Variants in SEC14L1 observed in about 807,000 individuals in gnomAD.
SEC14L1 encodes the protein SEC14-like protein 1.
SEC14L1 carries 48 observed loss-of-function variants against 85.3 expected under a neutral mutation model. The observed-to-expected ratio is 0.56, with a 90% confidence interval of 0.45 to 0.72. The LOEUF (loss-of-function observed/expected upper bound fraction) is 0.72, where lower values mean the gene tolerates loss of function less well. Among genes scored for constraint, SEC14L1 ranks in the 30% least tolerant of loss-of-function variants. The probability of loss-of-function intolerance (pLI) is 0.00; values close to 1 mark genes in which losing one functional copy is unlikely to be tolerated. For missense variants in SEC14L1, 682 were observed against 921.4 expected (o/e 0.74, Z 3.36); for synonymous variants, 391 against 355.5 (o/e 1.10, Z -1.12).
At position 77,191,162 on chromosome 17, in the gene SEC14L1, CTT is replaced by C; in HGVS notation, c.214-17_214-16del. ...GGTTGTTATTAATAAACCCATTTCT[CTT>C]TCTTTTTTTTTTGAAGATTGCAGGA... On this transcript the variant is annotated splice_polypyrimidine_tract_variant and intron_variant, in intron 4 of 16. Transcript: ENST00000436233. The C allele has an allele frequency of 6.2e-7, 1 of 1,605,674 alleles. No individual in the cohort carries two copies. The highest frequency in any genetic ancestry group is 8.5e-7 in the Non-Finnish European group (1 of 1,173,660).
At chr17:77,150,887 C>T (rs979041740) in intron 3 of SEC14L1, among the ~76,000 whole-genome samples, 2 of 152,198 alleles carry the variant, frequency 1.3e-5, no homozygotes, top group Non-Finnish European at 2.9e-5. Context: ...GTCCTGTGCA[C>T]GTCAGATTTT....
Position 77,197,572 on chromosome 17 carries a change from C to T in SEC14L1, c.819+1261C>T, listed in dbSNP as rs191489269. On this transcript the variant is annotated intron_variant, in intron 8 of 16. Transcript: ENST00000436233. ...TAATGAGTTGGCAAAAGCACCATTG[C>T]CAGTCACGTAGACACATGGTAGTTC... 2.0e-5 allele frequency among the ~76,000 whole-genome samples: 3 copies of T among 151,854 alleles called. No homozygotes were observed. In the East Asian group the frequency reaches 5.8e-4, roughly 29 times the overall value.
At chr17:77,113,941 T>A (rs1972108540) in intron 3 of SEC14L1, among the ~76,000 whole-genome samples, 1 of 152,160 alleles carries the variant, frequency 6.6e-6, no homozygotes, top group African/African-American at 2.4e-5. Context: ...GGTTAGTTTC[T>A]ATTATTCCCA....
chr17:77,127,035 G>A (rs1243181792), intron 3 of SEC14L1, among the ~76,000 whole-genome samples: 1 of 150,120 alleles, frequency 6.7e-6, no homozygotes, highest in African/African-American at 2.5e-5. Context: ...TAAAAAAAAG[G>A]GATACATGTG....
At position 77,213,234 on chromosome 17, in the gene SEC14L1, C is replaced by G; in HGVS notation, c.1864-80C>G. 8.2e-7 allele frequency: 1 copy of G among 1,226,332 alleles called. No individual in the cohort carries two copies. Among genetic ancestry groups the G allele is most frequent in the Non-Finnish European group, 1.1e-6 (1 of 880,186 alleles). The allele number at this position is 1,226,332 out of a possible 1,614,324, so 76.0% of individuals were successfully genotyped here. ...CTACATGAAATCCTAAAGACAGTCC[C>G]CTTGGCGCTTGTCAGGCCTGTGGTA... On this transcript the variant is annotated intron_variant, in intron 15 of 16. Transcript: ENST00000436233. This position sits in a 1 kb window ranked among gnomAD's most constrained non-coding sequence, Gnocchi z 7.1.
intron 7 of SEC14L1, among the ~76,000 whole-genome samples, chr17:77,195,529 C>G (rs1489129246): frequency 6.6e-6 from 1 of 151,884 alleles, no homozygotes; most frequent in Non-Finnish European, 1.5e-5. Flanking sequence ...TCTCTGTCGC[C>G]CAGGCTGCAG....
chr17:77,105,062 G>A (rs959763033), intron 3 of SEC14L1, among the ~76,000 whole-genome samples: 56 of 152,038 alleles, frequency 3.7e-4, no homozygotes, highest in Non-Finnish European at 8.8e-5. Context: ...GGTGAGACGC[G>A]GTTTCATTCT....
At chr17:77,164,962 A>G (rs568936006) in intron 3 of SEC14L1, among the ~76,000 whole-genome samples, 24 of 152,304 alleles carry the variant, frequency 1.6e-4, no homozygotes, top group African/African-American at 5.1e-4. Context: ...TTTCTCTTCC[A>G]AGTAGATCGT....
chr17:77,185,176 C>G, intron 3 of SEC14L1: 1 of 981,518 alleles, frequency 1.0e-6, no homozygotes, highest in Non-Finnish European at 1.2e-6. Flanking sequence ...AGTCCTCGTT[C>G]TCCTGAGGAT....
chr17:77,173,787 T>C (rs181860359), intron 3 of SEC14L1, among the ~76,000 whole-genome samples: 34 of 152,362 alleles, frequency 2.2e-4, no homozygotes, highest in Admixed American at 6.5e-4. Context: ...CCTAAGGGGC[T>C]GTCCCGGGAA....
intron 14 of SEC14L1, chr17:77,210,271 GAAGC>G (rs2143203509): frequency 6.6e-6 from 1 of 152,412 alleles, no homozygotes; most frequent in Admixed American, 6.5e-5. Flanking sequence ...TTTTGGTAGA[GAAGC>G]AAGGGCGTTC....
intron 3 of SEC14L1, among the ~76,000 whole-genome samples, chr17:77,118,616 C>A (rs563673354): frequency 3.1e-4 from 47 of 152,328 alleles, no homozygotes; most frequent in African/African-American, 9.9e-4. Context: ...TCTGGGAATG[C>A]GCTTAACGTA....
chr17:77,205,516 T>A (rs573395342), intron 11 of SEC14L1, among the ~76,000 whole-genome samples, 170 bp downstream of exon 11: 1 of 152,328 alleles, frequency 6.6e-6, no homozygotes, highest in Admixed American at 6.5e-5. Context: ...GTTAGTGTTT[T>A]TTGACCCCAG....
At chr17:77,123,414 C>CTTTTTCTTTTTT (rs1972353556) in intron 3 of SEC14L1, among the ~76,000 whole-genome samples, 1 of 80,514 alleles carries the variant, frequency 1.2e-5, no homozygotes, top group Admixed American at 1.5e-4. Context: ...CAGGCCCACT[C>CTTTTTCTTTTTT]TTTTTTTTTT....
At chr17:77,116,216 G>A (rs139031806) in intron 3 of SEC14L1, among the ~76,000 whole-genome samples, 6 of 152,194 alleles carry the variant, frequency 3.9e-5, no homozygotes, top group Admixed American at 1.3e-4. Context: ...CACCACACCC[G>A]GCTGACATAC....
rs62078343 is a variant in SEC14L1, at chr17:77,216,368, C to T, written c.*2345C>T. The T allele has an allele frequency of 3.0e-5, 36 of 1,213,358 alleles. No homozygotes were observed. The Admixed American group carries it at 3.4e-4, about 12-fold the overall frequency. The allele number at this position is 1,213,358 out of a possible 1,614,324, so 75.2% of individuals were successfully genotyped here. ...TAGTAGGTAGGGCTAGTAGGTAGGG[C>T]TAGTAGGTAGGGCTAGTAGGTAGGG... is the stretch of plus-strand genomic sequence containing the variant. On this transcript the variant is annotated 3_prime_UTR_variant, in exon 17 of 17. Coordinates refer to ENST00000436233, the MANE Select transcript of SEC14L1 (RefSeq NM_001143998.2).
At chr17:77,148,837 C>T (rs1043567978) in intron 3 of SEC14L1, among the ~76,000 whole-genome samples, 3 of 152,226 alleles carry the variant, frequency 2.0e-5, no homozygotes, top group Non-Finnish European at 4.4e-5. Flanking sequence ...CGTCCTCGCA[C>T]GTCTCAGCTC....
Position 77,201,977 on chromosome 17 carries a change from A to T in SEC14L1, c.1009+1304A>T, listed in dbSNP as rs148831845. Among the ~76,000 whole-genome samples the T allele has an allele frequency of 2.8e-3, 428 of 152,248 alleles. 2 individuals are homozygous for T. The highest frequency in any genetic ancestry group is 6.4e-3 in the South Asian group (31 of 4,812). The stretch of plus-strand genomic sequence containing the variant: ...GGTCTTCTGGTAACCACCGAAGACA[A>T]GTCTTGGTTCCTTTTCAGGAGCACA... On this transcript the variant is annotated intron_variant, in intron 9 of 16. Coordinates refer to ENST00000436233, the MANE Select transcript of SEC14L1 (RefSeq NM_001143998.2).
intron 3 of SEC14L1, among the ~76,000 whole-genome samples, chr17:77,118,660 G>A (rs1972231825): frequency 6.6e-6 from 1 of 152,246 alleles, no homozygotes; most frequent in Non-Finnish European, 1.5e-5. Flanking sequence ...AGAAGATCAT[G>A]CTTTTTCTAA....
Sources: gnomAD v4.1 joint callset for allele counts (sites outside exome capture counted in the v4.1 genomes callset) on GRCh38, gnomAD v4.1.1 for gene constraint, Gnocchi (gnomAD v3.1) non-coding constraint, MANE v1.5 for transcripts, NCBI Gene and HGNC (gene_info 2026-07-23, HGNC 2026-07-21) for gene names.